SH3RF2: variants seen among roughly 807,000 people sequenced by gnomAD.
The protein encoded by SH3RF2 is E3 ubiquitin-protein ligase SH3RF2.
Under a neutral mutation model 59.0 loss-of-function variants are expected in SH3RF2, and 43 were observed. That is an observed-to-expected ratio of 0.73 (90% CI 0.57 to 0.94). The LOEUF is 0.94. Ranked by LOEUF, SH3RF2 falls within the 40% of genes least tolerant of loss-of-function variation. SH3RF2 has a pLI of 0.00. For synonymous variants in SH3RF2, 391 were observed against 391.5 expected (o/e 1.00, Z 0.01); for missense variants, 930 against 940.1 (o/e 0.99, Z 0.14).
rs1202725352 is a variant in SH3RF2 at position 146,060,022 on chromosome 5, G to T, written c.1712G>T (p.Gly571Val). 3.7e-6 allele frequency: 6 copies of T among 1,607,402 alleles called. No individual in the cohort carries two copies. The East Asian group carries it at 1.1e-4, about 30-fold the overall frequency. Residue 571 changes from glycine to valine, a missense_variant, in exon 9 of 10, where the codon GGG (glycine) becomes GTG (valine). By Grantham distance (109) the Gly-to-Val change is moderately radical. Coordinates refer to ENST00000359120, the MANE Select transcript of SH3RF2 (RefSeq NM_152550.4). The stretch of plus-strand genomic sequence containing the variant: ...CCCTCAGCCGTGGTGGTGGAGATGG[G>T]GTCCAAGCCTGCCCTCACGGGGGAG... ...SSPSAVVVEM[G>V]SKPALTGEPA... is the part of the protein sequence containing the mutation.
chr5:146,066,528 T>C (rs1763109857), downstream of SH3RF2, among the ~76,000 whole-genome samples: 1 of 152,062 alleles, frequency 6.6e-6, no homozygotes, highest in African/African-American at 2.4e-5. Flanking sequence ...AAATTTCCAG[T>C]GAAGAAATTC....
chr5:146,014,173 C>A, intron 5 of SH3RF2, 112 bp downstream of exon 5: 1 of 1,067,306 alleles, frequency 9.4e-7, no homozygotes, highest in Non-Finnish European at 1.4e-6. Context: ...GAATGCCCTA[C>A]TAGTAACTAA....
At chr5:145,992,215 T>TA (rs1329508495) in intron 2 of SH3RF2, among the ~76,000 whole-genome samples, 133 of 151,104 alleles carry the variant, frequency 8.8e-4, no homozygotes, top group African/African-American at 2.3e-3. Context: ...CTGCAAAAAA[T>TA]ACAAAAAAAA....
At chr5:146,000,823 C>T (rs536420901) in intron 3 of SH3RF2, among the ~76,000 whole-genome samples, 10 of 152,352 alleles carry the variant, frequency 6.6e-5, no homozygotes, top group African/African-American at 2.4e-4. Context: ...GTGAATAAGT[C>T]ACAGTCTCTG....
At position 146,013,778 on chromosome 5, in the gene SH3RF2, A is replaced by T. The variant is rs759363556; in HGVS notation, c.776A>T (p.Lys259Met). ...PNLTARHLLE[K>M]NKGRQSSRTK... ...CTCACCGCAAGACACCTTTTAGAGAAGAACAAAGGTCGCCAGTCATCCCGC... is the reference window on the plus strand; with the variant it reads ...CTCACCGCAAGACACCTTTTAGAGATGAACAAAGGTCGCCAGTCATCCCGC... The change falls in exon 5 of 10, where the codon AAG becomes ATG. Residue 259 changes from lysine to methionine, a missense_variant. Coordinates refer to ENST00000359120, the MANE Select transcript of SH3RF2 (RefSeq NM_152550.4). 6.8e-6 allele frequency: 11 copies of T among 1,614,078 alleles called. No individual in the cohort carries two copies. Among genetic ancestry groups the T allele is most frequent in the Middle Eastern group, 1.7e-4 (1 of 6,060 alleles).
Position 146,009,863 on chromosome 5 carries a change from T to C in SH3RF2, c.745-3884T>C, listed in dbSNP as rs190503221. Among the ~76,000 whole-genome samples the C allele has an allele frequency of 1.8e-3, 269 of 152,282 alleles. 1 individual carries two copies. The highest frequency in any genetic ancestry group is 6.3e-3 in the African/African-American group (263 of 41,554). The stretch of plus-strand genomic sequence containing the variant: ...TCAACAAAAGCGACATTCAATAAAA[T>C]TTTCTATCTCAGCTATTTTTTTGTT... On this transcript the variant is annotated intron_variant, in intron 4 of 9. Coordinates refer to ENST00000359120, the MANE Select transcript of SH3RF2 (RefSeq NM_152550.4).
intron 2 of SH3RF2, among the ~76,000 whole-genome samples, chr5:145,943,682 C>T (rs967537041): frequency 6.7e-6 from 1 of 149,674 alleles, no homozygotes; most frequent in Admixed American, 6.7e-5. Context: ...CATTCCATTA[C>T]CTACTTCAGT....
intron 2 of SH3RF2, among the ~76,000 whole-genome samples, chr5:145,975,005 C>A (rs777634452): frequency 6.6e-6 from 1 of 152,160 alleles, no homozygotes; most frequent in Non-Finnish European, 1.5e-5. Flanking sequence ...TCTTTTCTGG[C>A]CCACCTGAGT....
In SH3RF2 at chr5:146,013,811, ACCTGTC is replaced by A. The variant is rs1761002036; in HGVS notation, c.814_819del (p.Ser272_Leu273del). 1 of 1,614,092 alleles carries A rather than the reference ACCTGTC, an allele frequency of 6.2e-7. No individual in the cohort carries two copies. ...GGTCGCCAGTCATCCCGCACAAAAA[ACCTGTC>A]CCTGGTGTCCTCGTCCTCCAGAGGC... On this transcript the variant is annotated inframe_deletion, in exon 5 of 10. Transcript: ENST00000359120.
chr5:146,022,259 G>A (rs911342984), intron 5 of SH3RF2, among the ~76,000 whole-genome samples: 5 of 152,144 alleles, frequency 3.3e-5, no homozygotes, highest in Admixed American at 1.3e-4. Context: ...CCCGGCTGAA[G>A]TGCAGTGGCA....
chr5:146,055,884 T>C (rs1258221009), intron 7 of SH3RF2, 97 bp from the exon 8 acceptor site: 16 of 1,300,110 alleles, frequency 1.2e-5, no homozygotes, highest in Non-Finnish European at 1.5e-5. Context: ...CCACATTTGG[T>C]ATGTGGTTGG....
At chr5:145,984,962 C>T (rs1357565242) in intron 2 of SH3RF2, among the ~76,000 whole-genome samples, 1 of 152,076 alleles carries the variant, frequency 6.6e-6, no homozygotes, top group East Asian at 1.9e-4. Flanking sequence ...TCAAGACCAG[C>T]CTGGGCAACA....
chr5:146,076,178 A>G (rs1273189793), intron 9 of SH3RF2, among the ~76,000 whole-genome samples: 2 of 152,176 alleles, frequency 1.3e-5, no homozygotes, highest in African/African-American at 4.8e-5. Flanking sequence ...ACTTGTTCTC[A>G]GAAATGTTAC....
rs1012016613 is a variant in SH3RF2, at chr5:145,982,997, A to G, written c.379-17061A>G. Among the ~76,000 whole-genome samples, 4 of 152,306 alleles carry G rather than the reference A, an allele frequency of 2.6e-5. No individual in the cohort carries two copies. In the South Asian group the frequency reaches 6.2e-4, roughly 24 times the overall value. On this transcript the variant is annotated intron_variant, in intron 2 of 9. Coordinates refer to ENST00000359120, the MANE Select transcript of SH3RF2 (RefSeq NM_152550.4). ...TGATTAGAGCCCAGTGACATAGCAGATGCAAAAGAATACACTGTATCCTAA... is the reference window on the plus strand; with the variant it reads ...TGATTAGAGCCCAGTGACATAGCAGGTGCAAAAGAATACACTGTATCCTAA...
At chr5:145,949,767 G>A (rs1758124953) in intron 2 of SH3RF2, among the ~76,000 whole-genome samples, 1 of 152,080 alleles carries the variant, frequency 6.6e-6, no homozygotes, top group South Asian at 2.1e-4. Flanking sequence ...TTTTTAACAG[G>A]GGAAAAAGAA....
chr5:145,967,538 C>A (rs1280918859), intron 2 of SH3RF2, among the ~76,000 whole-genome samples: 1 of 152,222 alleles, frequency 6.6e-6, no homozygotes, highest in African/African-American at 2.4e-5. Context: ...AGAATGTGAA[C>A]CCAGGTCTGC....
At position 146,013,971 on chromosome 5, in the gene SH3RF2, C is replaced by A; in HGVS notation, c.969C>A (p.Ile323=). The A allele has an allele frequency of 1.2e-6, 2 of 1,614,148 alleles. No homozygotes were observed. Among genetic ancestry groups the A allele is most frequent in the Non-Finnish European group, 1.7e-6 (2 of 1,180,020 alleles). The change falls in exon 5 of 10, where the codon ATC becomes ATA. Residue 323 remains isoleucine (I), a synonymous_variant. Transcript: ENST00000359120. ...HSPSGRHMVE[I]STPVLISSSN... ...CTTCAGGGCGCCATATGGTAGAGAT[C>A]AGCACCCCAGTGCTCATCAGCTCCA... is the stretch of plus-strand genomic sequence containing the variant.
At chr5:146,071,126 A>G (rs1263927916) in intron 9 of SH3RF2, among the ~76,000 whole-genome samples, 3 of 152,232 alleles carry the variant, frequency 2.0e-5, no homozygotes, top group Non-Finnish European at 4.4e-5. Context: ...TGCATTCAGG[A>G]GACCCTCACA....
At chr5:145,939,006 C>T (rs1470754623) in intron 2 of SH3RF2, among the ~76,000 whole-genome samples, 4 of 152,196 alleles carry the variant, frequency 2.6e-5, no homozygotes, top group Non-Finnish European at 4.4e-5. Flanking sequence ...CCAAACAGAC[C>T]CAGTTACGCC....
Sources: allele counts gnomAD v4.1 joint callset (sites outside exome capture counted in the v4.1 genomes callset), GRCh38; gene constraint gnomAD v4.1.1; transcripts MANE v1.5; gene names NCBI Gene and HGNC (gene_info 2026-07-23, HGNC 2026-07-21).